LYN: variants seen among roughly 807,000 people sequenced by gnomAD.
LYN encodes the protein tyrosine-protein kinase Lyn.
In LYN, 12 loss-of-function variants were observed where a neutral mutation model predicts 65.0. That is an observed-to-expected ratio of 0.18 (90% confidence interval 0.12 to 0.30). The LOEUF (loss-of-function observed/expected upper bound fraction) is 0.30, where lower values mean the gene tolerates loss of function less well. Ranked by LOEUF, LYN falls within the 10% of genes least tolerant of loss-of-function variation. LYN has a pLI of 1.00. For missense variants in LYN, 380 were observed against 623.2 expected, an observed-to-expected ratio of 0.61 and a Z score of 4.16; for synonymous variants, 222 against 221.2, an observed-to-expected ratio of 1.00 and a Z score of -0.03.
At chr8:55,979,476 G>A (rs532464499) in intron 10 of LYN, among the ~76,000 whole-genome samples, 81 of 152,190 alleles carry the variant, frequency 5.3e-4, no homozygotes, top group Non-Finnish European at 9.6e-4. Flanking sequence ...AGCATTCTTC[G>A]CCTACCCTCG....
In LYN at chr8:55,947,609, C is replaced by T. The variant is rs748272850; in HGVS notation, c.179-9C>T. ...ATTCTTACAGGTGTTCTCTTGTGTT[C>T]ATCTTTAGATCCAGAGGAACAAGGA... is the stretch of plus-strand genomic sequence containing the variant. On this transcript the variant is annotated splice_polypyrimidine_tract_variant and intron_variant, in intron 3 of 12. Coordinates refer to ENST00000519728, the MANE Select transcript of LYN (RefSeq NM_002350.4). 4 of 1,592,316 alleles carry T rather than the reference C, an allele frequency of 2.5e-6. No individual in the cohort carries two copies. Among genetic ancestry groups the T allele is most frequent in the South Asian group, 2.2e-5 (2 of 90,668 alleles).
intron 10 of LYN, among the ~76,000 whole-genome samples, chr8:55,984,047 C>G (rs577264355): frequency 6.6e-6 from 1 of 152,282 alleles, no homozygotes; most frequent in South Asian, 2.1e-4. Flanking sequence ...GTTGACCGCA[C>G]TGCTCCTCTT....
At chr8:55,886,343 G>A (rs866517796) in intron 1 of LYN, among the ~76,000 whole-genome samples, 10 of 150,800 alleles carry the variant, frequency 6.6e-5, no homozygotes, top group African/African-American at 9.8e-5. Context: ...AGGTTCAAGC[G>A]ATTCTGCTGC....
At chr8:55,944,037 C>T (rs980846236) in intron 2 of LYN, among the ~76,000 whole-genome samples, 3 of 151,750 alleles carry the variant, frequency 2.0e-5, no homozygotes, top group African/African-American at 4.8e-5. Context: ...TGCAGTGAGC[C>T]GAGATCACGC....
intron 1 of LYN, among the ~76,000 whole-genome samples, chr8:55,887,575 T>TACGCACACACACACACACACAC (rs1804835212): frequency 1.1e-5 from 1 of 93,436 alleles, no homozygotes; most frequent in African/African-American, 3.9e-5. Context: ...TATATATATA[T>TACGCACACACACACACACACAC]ACACACACAC....
intron 5 of LYN, 60 bp downstream of exon 5, chr8:55,950,617 A>G: frequency 6.4e-7 from 1 of 1,570,462 alleles, no homozygotes; most frequent in Non-Finnish European, 8.8e-7. Context: ...TTTCTTGTTA[A>G]TATTCTTCAC....
intron 12 of LYN, among the ~76,000 whole-genome samples, chr8:56,006,370 C>T (rs1409139163): frequency 1.3e-5 from 2 of 152,160 alleles, no homozygotes; most frequent in African/African-American, 4.8e-5. Flanking sequence ...GGAGACTGTA[C>T]TCCCAGGGTA....
rs1244808781 is a variant in LYN, at chr8:55,936,864, G to A, written c.-5-4991G>A. ...AGCTTTGAAGCCAGACCAAGTTCCG[G>A]TTGTACCTGAGACCTTTGATTACCT... On this transcript the variant is annotated intron_variant, in intron 1 of 12. Transcript: ENST00000519728. Among the ~76,000 whole-genome samples the A allele has an allele frequency of 5.3e-5, 8 of 152,276 alleles. No individual in the cohort carries two copies. The South Asian group carries it at 1.5e-3, about 28-fold the overall frequency.
chr8:55,940,496 C>A (rs1390952002), intron 1 of LYN, among the ~76,000 whole-genome samples: 1 of 152,208 alleles, frequency 6.6e-6, no homozygotes, highest in African/African-American at 2.4e-5. Context: ...CTGCCTCAGC[C>A]TCCCGAGTAG....
chr8:55,893,290 G>A (rs535334942), intron 1 of LYN, among the ~76,000 whole-genome samples: 1 of 152,334 alleles, frequency 6.6e-6, no homozygotes, highest in East Asian at 1.9e-4. Context: ...TTTCTGCACA[G>A]CCAAGTCAAT....
intron 1 of LYN, among the ~76,000 whole-genome samples, chr8:55,921,444 T>A (rs990107733): frequency 6.6e-6 from 1 of 152,200 alleles, no homozygotes; most frequent in African/African-American, 2.4e-5. Flanking sequence ...GACATAAAGT[T>A]GTACATAACA....
chr8:55,899,930 C>T (rs1351966728), intron 1 of LYN, among the ~76,000 whole-genome samples: 5 of 152,160 alleles, frequency 3.3e-5, no homozygotes, highest in East Asian at 3.8e-4. Flanking sequence ...CATGAGCCAC[C>T]GTGCCCAGCC....
chr8:55,887,575 T>TATACACAC (rs1554573193), intron 1 of LYN, among the ~76,000 whole-genome samples: 19 of 93,460 alleles, frequency 2.0e-4, no homozygotes, highest in East Asian at 8.1e-4. Context: ...TATATATATA[T>TATACACAC]ACACACACAC....
chr8:55,975,823 G>A (rs775079772), intron 10 of LYN, among the ~76,000 whole-genome samples: 1 of 150,644 alleles, frequency 6.6e-6, no homozygotes, highest in Non-Finnish European at 1.5e-5. Flanking sequence ...TTGGTAAGGT[G>A]GGGGTGGGGC....
chr8:56,009,764 G>T (rs1342034945), intron 12 of LYN, 144 bp from the exon 13 acceptor site: 2 of 666,110 alleles, frequency 3.0e-6, no homozygotes, highest in Non-Finnish European at 5.1e-6. Context: ...GGAGGATGCT[G>T]TTCAACCCCT....
At chr8:55,965,570 T>C (rs1807429087) in intron 8 of LYN, among the ~76,000 whole-genome samples, 1 of 152,204 alleles carries the variant, frequency 6.6e-6, no homozygotes, top group African/African-American at 2.4e-5. Context: ...AAAGATATGG[T>C]GAACAAAATT....
chr8:55,953,704 G>A (rs1807018879), intron 7 of LYN, 128 bp from the exon 8 acceptor site: 1 of 667,830 alleles, frequency 1.5e-6, no homozygotes. Flanking sequence ...TTATGTCAAG[G>A]ATGCATTTTA....
At chr8:55,965,587 G>T (rs763415828) in intron 8 of LYN, among the ~76,000 whole-genome samples, 3 of 152,060 alleles carry the variant, frequency 2.0e-5, no homozygotes, top group Non-Finnish European at 2.9e-5. Context: ...AATTAAAATC[G>T]CTCGTAATCA....
intron 9 of LYN, among the ~76,000 whole-genome samples, chr8:55,967,870 A>G (rs1807507277): frequency 6.6e-6 from 1 of 152,186 alleles, no homozygotes; most frequent in African/African-American, 2.4e-5. Flanking sequence ...AAACTGCCAA[A>G]TTATTTTTTA....
Sources: allele counts gnomAD v4.1 joint callset (sites outside exome capture counted in the v4.1 genomes callset), GRCh38; gene constraint gnomAD v4.1.1; transcripts MANE v1.5; gene names NCBI Gene and HGNC (gene_info 2026-07-23, HGNC 2026-07-21).